Variants in FSTL4 observed in about 807,000 individuals in gnomAD.
FSTL4 encodes the protein follistatin-related protein 4.
A neutral mutation model predicts 78.2 loss-of-function variants in FSTL4; 28 were observed. The observed-to-expected ratio is 0.36, with a 90% CI of 0.27 to 0.49. The LOEUF (loss-of-function observed/expected upper bound fraction) is 0.49. Among genes scored for constraint, FSTL4 ranks in the 20% least tolerant of loss-of-function variants. The pLI, the probability that FSTL4 is intolerant of heterozygous loss-of-function variation, is 0.98. For missense variants in FSTL4, 922 were observed against 1,084.9 expected, an observed-to-expected ratio of 0.85 and a Z score of 2.11; for synonymous variants, 422 against 440.5, an observed-to-expected ratio of 0.96 and a Z score of 0.53.
chr5:133,533,999 A>C (rs1006394866), intron 3 of FSTL4, among the ~76,000 whole-genome samples: 17 of 152,170 alleles, frequency 1.1e-4, no homozygotes. Flanking sequence ...ATTCTCCTGC[A>C]GCACCTACTT....
At chr5:133,583,206 A>ACAGTAACC in intron 2 of FSTL4, 1 of 454,446 alleles carries the variant, frequency 2.2e-6, no homozygotes, top group South Asian at 1.6e-5. Context: ...AAAGCCCTTC[A>ACAGTAACC]CAGTAACCAC....
At chr5:133,718,196 G>C in the FSTL4 span, among the ~76,000 whole-genome samples, 1 of 151,928 alleles carries the variant, frequency 6.6e-6, no homozygotes, top group South Asian at 2.1e-4. Context: ...GGGTTCAAGC[G>C]ATTCTCTTGC....
intron 3 of FSTL4, among the ~76,000 whole-genome samples, chr5:133,501,388 C>T (rs540809501): frequency 6.6e-6 from 1 of 152,110 alleles, no homozygotes; most frequent in Non-Finnish European, 1.5e-5. Flanking sequence ...TACCAAATAT[C>T]GTAATCAGCT....
At chr5:133,818,639 G>A in the FSTL4 span, among the ~76,000 whole-genome samples, 2 of 151,928 alleles carry the variant, frequency 1.3e-5, no homozygotes, top group African/African-American at 2.4e-5. Context: ...CTCACGAAGT[G>A]CATTGTGATA....
chr5:133,305,213 C>G (rs1329429495), intron 6 of FSTL4, among the ~76,000 whole-genome samples: 2 of 152,214 alleles, frequency 1.3e-5, no homozygotes, highest in Non-Finnish European at 2.9e-5. Context: ...GGCTTGCAGG[C>G]TGGCATACCT....
At chr5:133,625,162 T>C in the FSTL4 span, among the ~76,000 whole-genome samples, 4 of 151,740 alleles carry the variant, frequency 2.6e-5, no homozygotes, top group Non-Finnish European at 4.4e-5. Flanking sequence ...TATTCCTTCC[T>C]CCTCTGTTTT....
chr5:133,321,829 C>T (rs1258481296), intron 4 of FSTL4, among the ~76,000 whole-genome samples: 1 of 152,206 alleles, frequency 6.6e-6, no homozygotes, highest in African/African-American at 2.4e-5. Context: ...CCTTGACGTC[C>T]ATGCCTTGAA....
At chr5:133,396,791 A>G (rs999020362) in intron 4 of FSTL4, among the ~76,000 whole-genome samples, 4 of 152,222 alleles carry the variant, frequency 2.6e-5, no homozygotes, top group African/African-American at 9.6e-5. Context: ...GCAACAAAAT[A>G]CTGAGTTTTT....
At position 133,348,780 on chromosome 5, in the gene FSTL4, G is replaced by T. The variant is rs374762575; in HGVS notation, c.410-32128C>A. Among the ~76,000 whole-genome samples the T allele has an allele frequency of 7.2e-5, 11 of 152,334 alleles. No individual in the cohort carries two copies. The East Asian group carries it at 1.9e-3, about 27-fold the overall frequency. On this transcript the variant is annotated intron_variant, in intron 4 of 15. Coordinates refer to ENST00000265342, the MANE Select transcript of FSTL4 (RefSeq NM_015082.2). ...TCAGTTTCCTCATCTGAAAAATGGG[G>T]ATACTAATAGAACTTGCCACACTGG...
chr5:133,375,307 T>TATATATATATATATATATATATATATAC (rs1232452945), intron 4 of FSTL4, among the ~76,000 whole-genome samples: 2 of 137,308 alleles, frequency 1.5e-5, no homozygotes, highest in Non-Finnish European at 3.2e-5. Context: ...TATATATATA[T>TATATATATATATATATATATATATATAC]ATATAAAAGA....
At chr5:133,778,085 T>G in the FSTL4 span, among the ~76,000 whole-genome samples, 1 of 152,216 alleles carries the variant, frequency 6.6e-6, no homozygotes, top group Non-Finnish European at 1.5e-5. Flanking sequence ...AGGTGGGGTT[T>G]CCCAGCATCC....
chr5:133,628,283 C>A, the FSTL4 span, among the ~76,000 whole-genome samples: 2 of 151,658 alleles, frequency 1.3e-5, no homozygotes, highest in Admixed American at 6.6e-5. Flanking sequence ...CTGAAAGAGA[C>A]AGAGACACAA....
At chr5:133,583,173 C>A (rs921851589) in intron 2 of FSTL4, 10 of 441,972 alleles carry the variant, frequency 2.3e-5, no homozygotes, top group South Asian at 1.3e-4. Flanking sequence ...CAGCACATTC[C>A]CACTGGGTTT....
chr5:133,657,776 T>TG, the FSTL4 span, among the ~76,000 whole-genome samples: 1 of 26,342 alleles, frequency 3.8e-5, no homozygotes, highest in African/African-American at 3.5e-4. Flanking sequence ...GTTTTTTTTG[T>TG]TTTTTTTTTT....
chr5:133,728,528 C>T, the FSTL4 span, among the ~76,000 whole-genome samples: 3 of 152,190 alleles, frequency 2.0e-5, no homozygotes, highest in Non-Finnish European at 4.4e-5. Flanking sequence ...AAAGAAGACA[C>T]CTCCAAATCA....
chr5:133,818,877 C>G, the FSTL4 span, among the ~76,000 whole-genome samples: 7 of 138,516 alleles, frequency 5.1e-5, no homozygotes, highest in Non-Finnish European at 1.1e-4. Flanking sequence ...CTTAAAGCCC[C>G]CCACCCAGCC....
At chr5:133,486,418 G>T (rs1045115736) in intron 3 of FSTL4, among the ~76,000 whole-genome samples, 6 of 148,794 alleles carry the variant, frequency 4.0e-5, no homozygotes, top group African/African-American at 7.4e-5. Flanking sequence ...GAGGAGGGGG[G>T]ATTGATTTCT....
At chr5:133,725,531 C>A in the FSTL4 span, among the ~76,000 whole-genome samples, 1 of 152,184 alleles carries the variant, frequency 6.6e-6, no homozygotes, top group Non-Finnish European at 1.5e-5. Flanking sequence ...GACAATCAAC[C>A]TTCAAAGTCC....
chr5:133,398,058 C>T (rs1405160243), intron 4 of FSTL4, among the ~76,000 whole-genome samples: 2 of 152,046 alleles, frequency 1.3e-5, no homozygotes, highest in African/African-American at 4.8e-5. Context: ...CCCTCTGTCC[C>T]CACAGAGGTT....
Sources: gnomAD v4.1 joint callset for allele counts (sites outside exome capture counted in the v4.1 genomes callset) on GRCh38, gnomAD v4.1.1 for gene constraint, MANE v1.5 for transcripts, NCBI Gene and HGNC (gene_info 2026-07-23, HGNC 2026-07-21) for gene names.